Variants in SKAP1 observed in about 807,000 individuals in gnomAD.
SKAP1 encodes src kinase associated phosphoprotein 1.
A neutral mutation model predicts 58.5 loss-of-function variants in SKAP1; 44 were observed. The ratio of observed to expected loss-of-function variants is 0.75; its 90% CI spans 0.59 to 0.97. The LOEUF (loss-of-function observed/expected upper bound fraction) is 0.97. Among genes scored for constraint, SKAP1 ranks in the 50% least tolerant of loss-of-function variants. The pLI, the probability that SKAP1 is intolerant of heterozygous loss-of-function variation, is 0.00. For missense variants in SKAP1, 390 were observed against 435.2 expected (o/e 0.90, Z 0.92); for synonymous variants, 127 against 149.7 (o/e 0.85, Z 1.11).
At chr17:48,283,472 C>T (rs2065793025) in intron 4 of SKAP1, among the ~76,000 whole-genome samples, 1 of 152,200 alleles carries the variant, frequency 6.6e-6, no homozygotes, top group African/African-American at 2.4e-5. Context: ...TTAACCCTTT[C>T]AGACTCTGAC....
chr17:48,278,236 C>T (rs1384768929), intron 4 of SKAP1, among the ~76,000 whole-genome samples: 1 of 152,180 alleles, frequency 6.6e-6, no homozygotes, highest in Non-Finnish European at 1.5e-5. Flanking sequence ...TGAGCTCATC[C>T]TGGGCAGAGA....
intron 1 of SKAP1, among the ~76,000 whole-genome samples, chr17:48,427,286 G>C (rs779854711): frequency 1.3e-5 from 2 of 152,046 alleles, no homozygotes; most frequent in African/African-American, 2.4e-5. Flanking sequence ...TTAAAAATAT[G>C]CCATGGACAC....
chr17:48,217,005 G>A lies in SKAP1; in HGVS notation c.281-27505C>T, dbSNP rs146353796. ...TGAAAAGGGGGAATATAAGAAAGAAGTGAAGTCCAGATTTCCTAAAGTACA... is the reference window on the plus strand; with the variant it reads ...TGAAAAGGGGGAATATAAGAAAGAAATGAAGTCCAGATTTCCTAAAGTACA... On this transcript the variant is annotated intron_variant, in intron 4 of 12. Transcript: ENST00000336915. Among the ~76,000 whole-genome samples the A allele has an allele frequency of 1.4e-3, 220 of 152,280 alleles. 1 individual carries two copies. Among genetic ancestry groups the A allele is most frequent in the African/African-American group, 4.9e-3 (202 of 41,574 alleles).
intron 4 of SKAP1, among the ~76,000 whole-genome samples, chr17:48,342,539 T>C (rs1229482200): frequency 6.6e-6 from 1 of 152,110 alleles, no homozygotes; most frequent in Non-Finnish European, 1.5e-5. Context: ...AAACACAATA[T>C]GCAGCATGGT....
At chr17:48,348,088 C>T in intron 3 of SKAP1, among the ~76,000 whole-genome samples, 1 of 151,874 alleles carries the variant, frequency 6.6e-6, no homozygotes, top group Non-Finnish European at 1.5e-5. Flanking sequence ...ACCTATAATC[C>T]CAGCACTTTG....
chr17:48,442,049 G>A, the SKAP1 span, among the ~76,000 whole-genome samples: 3 of 152,244 alleles, frequency 2.0e-5, 1 homozygote, highest in South Asian at 6.2e-4. Context: ...CCAGCTCCCA[G>A]GGATTACCAT....
the SKAP1 span, among the ~76,000 whole-genome samples, chr17:48,440,879 C>T: frequency 6.6e-6 from 1 of 152,150 alleles, no homozygotes; most frequent in Non-Finnish European, 1.5e-5. Context: ...GAGTTTTGCA[C>T]TAAACTGACA....
chr17:48,213,449 T>A (rs2064899895), intron 4 of SKAP1, among the ~76,000 whole-genome samples: 1 of 150,524 alleles, frequency 6.6e-6, no homozygotes, highest in Admixed American at 6.6e-5. Context: ...AAGAGGAACA[T>A]AAGTAGTTTG....
At chr17:48,202,642 G>A (rs778472324) in intron 4 of SKAP1, among the ~76,000 whole-genome samples, 1 of 152,058 alleles carries the variant, frequency 6.6e-6, no homozygotes, top group Non-Finnish European at 1.5e-5. Context: ...ATTTAGGAGG[G>A]GAAAATGAGG....
chr17:48,402,285 T>C (rs1023387974), intron 1 of SKAP1, among the ~76,000 whole-genome samples: 1 of 151,138 alleles, frequency 6.6e-6, no homozygotes. Flanking sequence ...CCAAAAGAAA[T>C]GAAAACAGGT....
intron 4 of SKAP1, among the ~76,000 whole-genome samples, chr17:48,247,947 C>T (rs147743795): frequency 6.6e-6 from 1 of 152,148 alleles, no homozygotes; most frequent in South Asian, 2.1e-4. Flanking sequence ...TATTGTCGGT[C>T]TCCCCAGTAG....
At chr17:48,437,344 G>A in the SKAP1 span, among the ~76,000 whole-genome samples, 2 of 152,208 alleles carry the variant, frequency 1.3e-5, no homozygotes, top group Non-Finnish European at 2.9e-5. Context: ...AGCTCCATGA[G>A]CCTCAGATTC....
intron 4 of SKAP1, among the ~76,000 whole-genome samples, chr17:48,242,669 G>T (rs28481675): frequency 0.16 from 24,410 of 152,140 alleles, 2,652 homozygotes; most frequent in African/African-American, 0.3. Flanking sequence ...TAGGAAGCTA[G>T]CTTAACTCCT....
At chr17:48,227,850 G>A (rs996380150) in intron 4 of SKAP1, among the ~76,000 whole-genome samples, 1 of 152,166 alleles carries the variant, frequency 6.6e-6, no homozygotes, top group African/African-American at 2.4e-5. Context: ...CTGTGTTTCA[G>A]TTTTATCTTA....
intron 4 of SKAP1, among the ~76,000 whole-genome samples, chr17:48,200,052 G>A (rs1228144675): frequency 6.6e-6 from 1 of 152,032 alleles, no homozygotes; most frequent in Non-Finnish European, 1.5e-5. Context: ...CACTTTGGGA[G>A]GCCGAGGTGG....
At chr17:48,171,093 G>GTTT (rs71141969) in intron 9 of SKAP1, among the ~76,000 whole-genome samples, 10,159 of 70,186 alleles carry the variant, frequency 0.14, 1,776 homozygotes, top group Non-Finnish European at 0.2. Flanking sequence ...AATTACTGTT[G>GTTT]TTTTTTTTTT....
chr17:48,303,696 A>T (rs994494460), intron 4 of SKAP1, among the ~76,000 whole-genome samples: 3 of 152,232 alleles, frequency 2.0e-5, no homozygotes, highest in Non-Finnish European at 4.4e-5. Context: ...TAGAATACAC[A>T]GGCTTGGGGA....
intron 4 of SKAP1, among the ~76,000 whole-genome samples, chr17:48,255,166 T>A (rs1335893530): frequency 6.6e-6 from 1 of 152,018 alleles, no homozygotes; most frequent in Non-Finnish European, 1.5e-5. Context: ...GTCTGAAACC[T>A]CTTATTGGGC....
intron 4 of SKAP1, among the ~76,000 whole-genome samples, chr17:48,331,204 A>G (rs1412378310): frequency 6.6e-6 from 1 of 152,178 alleles, no homozygotes; most frequent in Non-Finnish European, 1.5e-5. Context: ...TTCTTTTGAA[A>G]TTGTGGAATA....
Sources: gnomAD v4.1 joint callset for allele counts (sites outside exome capture counted in the v4.1 genomes callset) on GRCh38, gnomAD v4.1.1 for gene constraint, MANE v1.5 for transcripts, NCBI Gene and HGNC (gene_info 2026-07-23, HGNC 2026-07-21) for gene names.